NWD2: variants seen among roughly 807,000 people sequenced by gnomAD.
The protein encoded by NWD2 is NACHT and WD repeat domain-containing protein 2.
Under a neutral mutation model 132.7 loss-of-function variants are expected in NWD2, and 37 were observed. The ratio of observed to expected loss-of-function variants is 0.28; its 90% CI spans 0.21 to 0.37. NWD2 has a LOEUF of 0.37. Ranked by LOEUF, NWD2 falls within the 10% of genes least tolerant of loss-of-function variation. The pLI is 1.00. For missense variants in NWD2, 1,592 were observed against 2,122.4 expected, an observed-to-expected ratio of 0.75 and a Z score of 4.91; for synonymous variants, 705 against 803.0, an observed-to-expected ratio of 0.88 and a Z score of 2.06.
At chr4:37,417,791 T>A (rs1404744298) in intron 3 of NWD2, among the ~76,000 whole-genome samples, 7 of 152,144 alleles carry the variant, frequency 4.6e-5, no homozygotes, top group Non-Finnish European at 8.8e-5. Flanking sequence ...AATGTACAGA[T>A]CAGCAACAGG....
At chr4:37,408,000 C>T (rs929907179) in intron 3 of NWD2, among the ~76,000 whole-genome samples, 2 of 152,224 alleles carry the variant, frequency 1.3e-5, no homozygotes, top group African/African-American at 4.8e-5. Context: ...AGCACAGATA[C>T]TGCACTTGTC....
intron 1 of NWD2, among the ~76,000 whole-genome samples, chr4:37,289,529 A>G (rs957891651): frequency 6.6e-6 from 1 of 152,144 alleles, no homozygotes; most frequent in Admixed American, 6.6e-5. Context: ...TTCATATTTT[A>G]TTTTTATTAT....
chr4:37,285,869 T>A (rs1159349315), intron 1 of NWD2, among the ~76,000 whole-genome samples: 1 of 152,208 alleles, frequency 6.6e-6, no homozygotes, highest in Non-Finnish European at 1.5e-5. Context: ...ATGATTGAAT[T>A]TTTAAAAGTT....
intron 1 of NWD2, among the ~76,000 whole-genome samples, chr4:37,247,117 A>G (rs1717259767): frequency 6.6e-6 from 1 of 152,238 alleles, no homozygotes; most frequent in Non-Finnish European, 1.5e-5. Context: ...TAACAAACAA[A>G]ACAGAAATGT....
chr4:37,299,046 T>C (rs145753610), intron 1 of NWD2, among the ~76,000 whole-genome samples: 63 of 152,282 alleles, frequency 4.1e-4, no homozygotes, highest in African/African-American at 1.4e-3. Context: ...CTTTCCTGTG[T>C]ATCTAATTTA....
chr4:37,344,764 G>T (rs1304676031), intron 2 of NWD2, among the ~76,000 whole-genome samples: 1 of 152,104 alleles, frequency 6.6e-6, no homozygotes, highest in Non-Finnish European at 1.5e-5. Flanking sequence ...TGATTCAGTG[G>T]TTTTTAGTAC....
chr4:37,445,161 C>T lies in NWD2; in HGVS notation c.3173C>T (p.Ala1058Val). The T allele has an allele frequency of 6.4e-7, 1 of 1,552,076 alleles. No homozygotes were observed. Among genetic ancestry groups the T allele is most frequent in the Non-Finnish European group, 8.7e-7 (1 of 1,147,074 alleles). The change falls in exon 7 of 7, where the codon GCC becomes GTC. Residue 1058 changes from alanine (A) to valine (V), a missense_variant. By Grantham distance (64) the Ala-to-Val change is moderately conservative. Around this residue, in one of 7 missense-constraint regions of NWD2, gnomAD observed 1,071 missense variants for 1,398.0 expected, o/e 0.77. Transcript: ENST00000309447. The surrounding 1 kb of genome is among the most constrained non-coding windows in gnomAD (Gnocchi z 4.7). Reference protein sequence around the residue: ...EIKGTKHGSSATYINGFTLSA... With the variant: ...EIKGTKHGSSVTYINGFTLSA... The stretch of plus-strand genomic sequence containing the variant: ...AAGGGGACCAAGCATGGAAGCAGCG[C>T]CACCTACATCAATGGATTTACACTG...
chr4:37,397,789 C>G (rs1337277175), intron 3 of NWD2, among the ~76,000 whole-genome samples: 1 of 130,382 alleles, frequency 7.7e-6, no homozygotes, highest in Non-Finnish European at 1.7e-5. Context: ...TGGGAACAGC[C>G]TCTCTCTCTC....
chr4:37,395,616 G>T (rs1720773808), intron 3 of NWD2, among the ~76,000 whole-genome samples: 1 of 103,292 alleles, frequency 9.7e-6, no homozygotes, highest in Admixed American at 1.1e-4. Flanking sequence ...AAAAGAGTCT[G>T]CCTCTCCTTG....
At chr4:37,365,281 C>G (rs1179961706) in intron 3 of NWD2, among the ~76,000 whole-genome samples, 1 of 152,100 alleles carries the variant, frequency 6.6e-6, no homozygotes, top group Middle Eastern at 3.2e-3. Context: ...AAACAAAATA[C>G]ACACATGAAA....
intron 1 of NWD2, among the ~76,000 whole-genome samples, chr4:37,297,571 T>C (rs1421648621): frequency 6.6e-6 from 1 of 152,200 alleles, no homozygotes; most frequent in African/African-American, 2.4e-5. Flanking sequence ...TTACCATCTA[T>C]ACATTTATTA....
At chr4:37,346,944 C>G (rs1396307568) in intron 2 of NWD2, among the ~76,000 whole-genome samples, 1 of 151,964 alleles carries the variant, frequency 6.6e-6, no homozygotes, top group Non-Finnish European at 1.5e-5. Context: ...TTGATTAGTT[C>G]ATTTATAGTT....
At chr4:37,373,963 C>G (rs946816866) in intron 3 of NWD2, among the ~76,000 whole-genome samples, 1 of 152,110 alleles carries the variant, frequency 6.6e-6, no homozygotes, top group Admixed American at 6.5e-5. Context: ...AGACTGAAAA[C>G]CGTGCATAGA....
Position 37,371,072 on chromosome 4 carries a change from C to CTTTTTTTTTTTTTTTTTTTTTT in NWD2, c.357+14595_357+14596insTTTTTTTTTTTTTTTTTTTTTT, listed in dbSNP as rs1309185055. Among the ~76,000 whole-genome samples the CTTTTTTTTTTTTTTTTTTTTTT allele has an allele frequency of 4.0e-5, 4 of 100,526 alleles. 1 individual carries two copies. Among genetic ancestry groups the CTTTTTTTTTTTTTTTTTTTTTT allele is most frequent in the Non-Finnish European group, 5.6e-5 (3 of 53,620 alleles). 65.9% of individuals were successfully genotyped at this position (100,526 alleles called of 152,430 possible). On this transcript the variant is annotated intron_variant, in intron 3 of 6. Coordinates refer to ENST00000309447, the MANE Select transcript of NWD2 (RefSeq NM_001144990.2). ...TGCCAAAGAAGTTCAATTTTTTTTT[C>CTTTTTTTTTTTTTTTTTTTTTT]TTTTTCTTTTTTTTTTTTTTTTTGA...
intron 1 of NWD2, among the ~76,000 whole-genome samples, chr4:37,304,080 C>T (rs1395013552): frequency 6.6e-6 from 1 of 152,160 alleles, no homozygotes; most frequent in Non-Finnish European, 1.5e-5. Flanking sequence ...TTAAGTGGTT[C>T]ACAGTTCTGT....
chr4:37,405,563 C>A (rs2109317098), intron 3 of NWD2, among the ~76,000 whole-genome samples: 1 of 152,262 alleles, frequency 6.6e-6, no homozygotes, highest in South Asian at 2.1e-4. Context: ...AATCCACTCC[C>A]AGAATTTCTG....
intron 3 of NWD2, among the ~76,000 whole-genome samples, chr4:37,392,624 C>T (rs1720699806): frequency 6.6e-6 from 1 of 152,134 alleles, no homozygotes; most frequent in Non-Finnish European, 1.5e-5. Flanking sequence ...GTACAGTTAG[C>T]GAAACTAGGA....
At chr4:37,440,837 C>T (rs770886443) in intron 6 of NWD2, among the ~76,000 whole-genome samples, 1 of 152,064 alleles carries the variant, frequency 6.6e-6, no homozygotes, top group Admixed American at 6.5e-5. Flanking sequence ...ACCTCCTCTT[C>T]CCTTAGTGTC....
At chr4:37,394,029 A>G (rs931267750) in intron 3 of NWD2, among the ~76,000 whole-genome samples, 1 of 152,262 alleles carries the variant, frequency 6.6e-6, no homozygotes, top group Admixed American at 6.5e-5. Context: ...AGAAACCTGC[A>G]GTGGGAATGT....
Sources: gnomAD v4.1 joint callset for allele counts (sites outside exome capture counted in the v4.1 genomes callset) on GRCh38, gnomAD v4.1.1 for gene constraint, gnomAD v4.1.1 regional missense constraint, Gnocchi (gnomAD v3.1) non-coding constraint, MANE v1.5 for transcripts, NCBI Gene and HGNC (gene_info 2026-07-23, HGNC 2026-07-21) for gene names.